Variants in BRAF observed in about 807,000 individuals in gnomAD.
The protein encoded by BRAF is B-Raf proto-oncogene, serine/threonine kinase.
Under a neutral mutation model 104.6 loss-of-function variants are expected in BRAF, and 16 were observed. The ratio of observed to expected loss-of-function variants is 0.15; its 90% CI spans 0.10 to 0.23. The LOEUF is 0.23. Ranked by LOEUF, BRAF falls within the 10% of genes least tolerant of loss-of-function variation. The pLI, the probability that BRAF is intolerant of heterozygous loss-of-function variation, is 1.00. For missense variants in BRAF, 541 were observed against 937.3 expected, an observed-to-expected ratio of 0.58 and a Z score of 5.52; for synonymous variants, 310 against 341.6, an observed-to-expected ratio of 0.91 and a Z score of 1.02.
intron 5 of BRAF, among the ~76,000 whole-genome samples, chr7:140,805,107 T>C (rs933133711): frequency 2.0e-5 from 3 of 152,228 alleles, no homozygotes; most frequent in African/African-American, 7.2e-5. Flanking sequence ...CAAAAGTCCA[T>C]TTTCAATACA....
intron 1 of BRAF, among the ~76,000 whole-genome samples, chr7:140,919,756 C>T (rs923829745): frequency 7.9e-5 from 12 of 152,078 alleles, no homozygotes; most frequent in African/African-American, 2.9e-4. Context: ...CAGTACTTGA[C>T]ACCTTAAAAA....
Position 140,817,081 on chromosome 7 carries a change from AATT to A in BRAF, c.505-8089_505-8087del, listed in dbSNP as rs1361690275. Among the ~76,000 whole-genome samples the A allele has an allele frequency of 3.3e-5, 5 of 152,300 alleles. No homozygotes were observed. In the South Asian group the frequency reaches 1.0e-3, roughly 32 times the overall value. The stretch of plus-strand genomic sequence containing the variant: ...AACCTAAAGACTCCACCAAAAAAAC[AATT>A]ATAACTGACAAATTCAGTAAAGTTG... On this transcript the variant is annotated intron_variant, in intron 3 of 19. Transcript: ENST00000644969.
Position 140,734,667 on chromosome 7 carries a change from C to G in BRAF, c.2351G>C (p.Ser784Thr), listed in dbSNP as rs767671899. 2.5e-6 allele frequency: 4 copies of G among 1,612,466 alleles called. No individual in the cohort carries two copies. In the African/African-American group the frequency reaches 5.4e-5, roughly 22 times the overall value. Residue 784 changes from serine to threonine, a missense_variant, in exon 19 of 20, where the codon AGT becomes ACT. Physicochemically the swap from Ser to Thr is moderately conservative, Grantham distance 58 (BLOSUM62 1). This residue lies in a region of BRAF where 129 missense variants were observed against 285.8 expected (regional missense o/e 0.45). Coordinates refer to ENST00000644969, the MANE Select transcript of BRAF (RefSeq NM_001374258.1). ...TTTTGGAGAAGCACAAGCATATAGA[C>G]TAAAATCCTCTGTTTGGAAACCAGC... ...NRAGFQTEDFSLYACASPKTP... is the reference protein window; with the variant it reads ...NRAGFQTEDFTLYACASPKTP...
intron 1 of BRAF, among the ~76,000 whole-genome samples, chr7:140,877,933 A>G (rs1040552312): frequency 6.6e-6 from 1 of 152,170 alleles, no homozygotes; most frequent in African/African-American, 2.4e-5. Context: ...AGCAAATTCT[A>G]TCAGGTATTT....
intron 19 of BRAF, chr7:140,732,923 T>C (rs1345368597): frequency 7.2e-5 from 11 of 152,104 alleles, no homozygotes; most frequent in Non-Finnish European, 1.0e-4. Context: ...TAAAACCCTA[T>C]CTAACAATTA....
intron 1 of BRAF, among the ~76,000 whole-genome samples, chr7:140,915,817 T>C (rs1462664111): frequency 6.6e-6 from 1 of 152,130 alleles, no homozygotes; most frequent in East Asian, 1.9e-4. Flanking sequence ...TTAAAAATAG[T>C]CTGCCAAGAT....
chr7:140,722,899 C>T lies in BRAF; in HGVS notation c.*3595G>A, dbSNP rs950159604. ...CACTTTCAACAACATTCAGATATTC[C>T]GAGCAACACATTTTTTTACAGTATT... is the stretch of plus-strand genomic sequence containing the variant. On this transcript the variant is annotated 3_prime_UTR_variant, in exon 20 of 20. Coordinates refer to ENST00000644969, the MANE Select transcript of BRAF (RefSeq NM_001374258.1). 8.5e-6 allele frequency: 9 copies of T among 1,054,666 alleles called. No individual in the cohort carries two copies. The highest frequency in any genetic ancestry group is 9.1e-5 in the South Asian group (2 of 21,880). The allele number at this position is 1,054,666 out of a possible 1,614,324, so 65.3% of individuals were successfully genotyped here. A position where few individuals can be genotyped will look rare whatever the true frequency, so the allele number is the denominator to read the frequency against.
At chr7:140,891,132 T>A (rs1814172356) in intron 1 of BRAF, among the ~76,000 whole-genome samples, 1 of 152,140 alleles carries the variant, frequency 6.6e-6, no homozygotes, top group African/African-American at 2.4e-5. Flanking sequence ...GTGCCTAAAA[T>A]ACTCTGAGAG....
chr7:140,827,965 C>T lies in BRAF; in HGVS notation c.504+6644G>A, dbSNP rs571192859. ...CGGCTGGAGTGCAACGGCGCAATCTCGGCTCACCGCAACCTCCACCTCCCA... is the reference window on the plus strand; with the variant it reads ...CGGCTGGAGTGCAACGGCGCAATCTTGGCTCACCGCAACCTCCACCTCCCA... On this transcript the variant is annotated intron_variant, in intron 3 of 19. Coordinates refer to ENST00000644969, the MANE Select transcript of BRAF (RefSeq NM_001374258.1). 5.1e-4 allele frequency among the ~76,000 whole-genome samples: 77 copies of T among 152,198 alleles called. No individual in the cohort carries two copies. The South Asian group carries it at 0.015, about 30-fold the overall frequency.
At chr7:140,799,426 C>T (rs1802856977) in intron 7 of BRAF, 1 of 232,226 alleles carries the variant, frequency 4.3e-6, no homozygotes, top group Admixed American at 5.6e-5. Context: ...TGCTTAAAGA[C>T]CTTTAAGTCT....
At chr7:140,848,869 A>G (rs963020226) in intron 2 of BRAF, among the ~76,000 whole-genome samples, 8 of 152,252 alleles carry the variant, frequency 5.3e-5, no homozygotes, top group Admixed American at 2.6e-4. Flanking sequence ...AGAAAACAGC[A>G]TATTAGCTGT....
intron 1 of BRAF, among the ~76,000 whole-genome samples, chr7:140,923,011 G>A (rs990779264): frequency 2.6e-5 from 4 of 152,130 alleles, no homozygotes; most frequent in African/African-American, 7.2e-5. Flanking sequence ...AATGCATACT[G>A]AAAAGTGGAA....
Position 140,801,450 on chromosome 7 carries a change from T to C in BRAF, c.822A>G (p.Thr274=), listed in dbSNP as rs779713260. The C allele has an allele frequency of 6.2e-7, 1 of 1,614,010 alleles. No individual in the cohort carries two copies. The change falls in exon 6 of 20, where the codon ACA becomes ACG. Residue 274 remains threonine (T), a synonymous_variant. Coordinates refer to ENST00000644969, the MANE Select transcript of BRAF (RefSeq NM_001374258.1). ...CGYKFHQRCS[T]EVPLMCVNYD... ...AATTAACACACATCAGTGGAACTTC[T>C]GTACTACAACGCTGGTGAAATTTAT...
chr7:140,760,421 G>GA lies in BRAF; in HGVS notation c.1815-6189dup, dbSNP rs55872126. ...GAGTGAGACTCTTCCTTGAGAGAGA[G>GA]AAAAAAAAAAAAAAAAAAGATGTTT... On this transcript the variant is annotated intron_variant, in intron 14 of 19. Transcript: ENST00000644969. Among the ~76,000 whole-genome samples the GA allele has an allele frequency of 8.1e-3, 902 of 111,212 alleles. 10 individuals are homozygous for GA. Among genetic ancestry groups the GA allele is most frequent in the Admixed American group, 0.024 (238 of 10,116 alleles). The allele number at this position is 111,212 out of a possible 152,430, so 73.0% of individuals were successfully genotyped here. A position where few individuals can be genotyped will look rare whatever the true frequency, so the allele number is the denominator to read the frequency against.
At chr7:140,854,787 A>G (rs1285852858) in intron 1 of BRAF, among the ~76,000 whole-genome samples, 1 of 152,088 alleles carries the variant, frequency 6.6e-6, no homozygotes, top group Non-Finnish European at 1.5e-5. Flanking sequence ...TCTACTAAAA[A>G]TACAAAAATT....
intron 17 of BRAF, among the ~76,000 whole-genome samples, chr7:140,743,108 C>T (rs541190665): frequency 1.3e-5 from 2 of 152,052 alleles, no homozygotes; most frequent in African/African-American, 4.8e-5. Flanking sequence ...AATAGGAACA[C>T]TTTTACACTG....
At chr7:140,919,590 T>A (rs1243472132) in intron 1 of BRAF, among the ~76,000 whole-genome samples, 1 of 152,070 alleles carries the variant, frequency 6.6e-6, no homozygotes, top group African/African-American at 2.4e-5. Context: ...CCATGCTAAT[T>A]AAGTATGTTA....
chr7:140,905,134 G>A (rs911896301), intron 1 of BRAF, among the ~76,000 whole-genome samples: 1 of 152,070 alleles, frequency 6.6e-6, no homozygotes, highest in African/African-American at 2.4e-5. Flanking sequence ...TGGGTAGAAT[G>A]GGTTCTATAC....
intron 1 of BRAF, among the ~76,000 whole-genome samples, chr7:140,914,017 A>G (rs573643280): frequency 9.2e-5 from 14 of 152,374 alleles, no homozygotes; most frequent in East Asian, 3.9e-4. Flanking sequence ...TCAGTCCCAC[A>G]TTAAGAACTG....
Sources: allele counts gnomAD v4.1 joint callset (sites outside exome capture counted in the v4.1 genomes callset), GRCh38; gene constraint gnomAD v4.1.1; regional missense constraint gnomAD v4.1.1; transcripts MANE v1.5; gene names NCBI Gene and HGNC (gene_info 2026-07-23, HGNC 2026-07-21).